The following AP4S1 variants were observed in gnomAD, a reference collection of about 807,000 sequenced individuals.
AP4S1 encodes adaptor related protein complex 4 subunit sigma 1, also known as AP-4 complex subunit sigma-1.
A neutral mutation model predicts 19.8 loss-of-function variants in AP4S1; 23 were observed. The observed-to-expected ratio is 1.16, with a 90% CI of 0.84 to 1.65. The LOEUF (loss-of-function observed/expected upper bound fraction) is 1.65. Ranked by LOEUF, AP4S1 falls within the 40% of genes most tolerant of loss-of-function variation. The pLI is 0.00. For synonymous variants in AP4S1, 46 were observed against 54.1 expected, an observed-to-expected ratio of 0.85 and a Z score of 0.66; for missense variants, 166 against 172.8, an observed-to-expected ratio of 0.96 and a Z score of 0.22.
At chr14:31,086,868 A>AT (rs928154149) in intron 5 of AP4S1, among the ~76,000 whole-genome samples, 10 of 151,590 alleles carry the variant, frequency 6.6e-5, no homozygotes, top group Non-Finnish European at 1.0e-4. Flanking sequence ...ATGTAAAAAA[A>AT]TTTTTTTACA....
intron 1 of AP4S1, among the ~76,000 whole-genome samples, chr14:31,051,564 T>C (rs2139500183): frequency 6.6e-6 from 1 of 152,362 alleles, no homozygotes; most frequent in South Asian, 2.1e-4. Flanking sequence ...CTTTGCATAG[T>C]TGTAATCCAT....
chr14:31,090,385 G>A (rs917831934), intron 5 of AP4S1, among the ~76,000 whole-genome samples: 1 of 152,198 alleles, frequency 6.6e-6, no homozygotes, highest in Non-Finnish European at 1.5e-5. Context: ...TGAAAATTCA[G>A]AAAGGCTCTT....
chr14:31,049,428 A>AAAAAATATATATAT (rs1384450221), intron 1 of AP4S1, among the ~76,000 whole-genome samples: 2 of 57,766 alleles, frequency 3.5e-5, no homozygotes, highest in Non-Finnish European at 5.8e-5. Context: ...AAAAAAAAAA[A>AAAAAATATATATAT]ATATATATAT....
chr14:31,046,516 T>C (rs1885412800), intron 1 of AP4S1, among the ~76,000 whole-genome samples: 1 of 152,194 alleles, frequency 6.6e-6, no homozygotes, highest in Admixed American at 6.6e-5. Flanking sequence ...CATTAGCTGA[T>C]AGAAATGTTT....
At chr14:31,039,700 C>G (rs1270097052) in intron 1 of AP4S1, among the ~76,000 whole-genome samples, 1 of 151,686 alleles carries the variant, frequency 6.6e-6, no homozygotes, top group Non-Finnish European at 1.5e-5. Context: ...ACGCCATTCT[C>G]CTGCCTCAGC....
At chr14:31,079,640 C>T (rs1566543077) in intron 4 of AP4S1, among the ~76,000 whole-genome samples, 1 of 152,040 alleles carries the variant, frequency 6.6e-6, no homozygotes, top group African/African-American at 2.4e-5. Flanking sequence ...GTCTGGGCAA[C>T]ATGGCAAAAC....
chr14:31,041,412 G>A (rs1029761568), intron 1 of AP4S1, among the ~76,000 whole-genome samples: 1 of 152,152 alleles, frequency 6.6e-6, no homozygotes, highest in Non-Finnish European at 1.5e-5. Flanking sequence ...GCCTCCCAAA[G>A]TGCTGGGATT....
chr14:31,072,939 T>G lies in AP4S1; in HGVS notation c.260T>G (p.Phe87Cys), dbSNP rs1180692709. 6.2e-7 allele frequency: 1 copy of G among 1,614,024 alleles called. No homozygotes were observed. The highest frequency in any genetic ancestry group is 1.1e-5 in the South Asian group (1 of 91,078). Residue 87 changes from phenylalanine (F) to cysteine (C), a missense_variant, in exon 4 of 6, where the codon TTT (phenylalanine) becomes TGT (cysteine). Transcript: ENST00000542754. ...GCTATTTATGAATTCATTCATAACTTTGTGGAAGTTTTAGATGAGTATTTC... is the reference window on the plus strand; with the variant it reads ...GCTATTTATGAATTCATTCATAACTGTGTGGAAGTTTTAGATGAGTATTTC... ...EMAIYEFIHN[F>C]VEVLDEYFSR...
rs757085151 is a variant in AP4S1, at chr14:31,066,222, A to G, written c.26A>G (p.Asn9Ser). Residue 9 changes from asparagine to serine, a missense_variant, in exon 2 of 6, where the codon AAT becomes AGT. Transcript: ENST00000542754. The part of the protein sequence containing the change: MIKFFLMV[N>S]KQGQTRLSKY... Reference sequence around the variant, plus strand: ...ATGATAAAATTTTTCCTCATGGTGAATAAACAAGGGCAGACTCGACTTTCT... The same window carrying G: ...ATGATAAAATTTTTCCTCATGGTGAGTAAACAAGGGCAGACTCGACTTTCT... 6.2e-6 allele frequency: 10 copies of G among 1,613,954 alleles called. No individual in the cohort carries two copies. The highest frequency in any genetic ancestry group is 7.6e-6 in the Non-Finnish European group (9 of 1,179,984).
chr14:31,045,768 G>A (rs1320609408), intron 1 of AP4S1, among the ~76,000 whole-genome samples: 1 of 152,034 alleles, frequency 6.6e-6, no homozygotes, highest in Non-Finnish European at 1.5e-5. Flanking sequence ...TTCCTAAGTA[G>A]TAGGTGTGTC....
At chr14:31,068,486 GCA>G (rs1349142845) in intron 2 of AP4S1, among the ~76,000 whole-genome samples, 1 of 152,166 alleles carries the variant, frequency 6.6e-6, no homozygotes, top group Non-Finnish European at 1.5e-5. Flanking sequence ...GCCTGCCATG[GCA>G]CACACTGTTT....
At chr14:31,084,904 T>A in intron 5 of AP4S1, 2 of 1,614,094 alleles carry the variant, frequency 1.2e-6, no homozygotes, top group Non-Finnish European at 1.7e-6. Context: ...AGGGCACCAA[T>A]GAACAGCACA....
intron 1 of AP4S1, among the ~76,000 whole-genome samples, chr14:31,037,097 C>T (rs1263474094): frequency 1.3e-5 from 2 of 152,074 alleles, no homozygotes; most frequent in Admixed American, 1.3e-4. Context: ...CAGGTGTCAG[C>T]CACCACGCCC....
intron 1 of AP4S1, among the ~76,000 whole-genome samples, chr14:31,058,517 CTGTGTGTGTATGTGTGTG>C (rs1323152197): frequency 0.036 from 5,032 of 139,434 alleles, 248 homozygotes; most frequent in African/African-American, 0.11. Context: ...TTCCCCATCT[CTGTGTGTGTATGTGTGTG>C]TGTGTGTGTG....
intron 1 of AP4S1, among the ~76,000 whole-genome samples, chr14:31,062,763 C>G (rs1438073606): frequency 7.3e-5 from 11 of 150,746 alleles, no homozygotes; most frequent in African/African-American, 2.7e-4. Context: ...GTCAGGAGAT[C>G]AAGACCATCC....
In AP4S1 at chr14:31,064,743, G is replaced by A. The variant is rs565091806; in HGVS notation, c.-71-1383G>A. Among the ~76,000 whole-genome samples, 6 of 152,298 alleles carry A rather than the reference G, an allele frequency of 3.9e-5. No homozygotes were observed. In the South Asian group the frequency reaches 1.2e-3, roughly 32 times the overall value. The stretch of plus-strand genomic sequence containing the variant: ...AGGCCAAAGCAGGAGGATCACTTGA[G>A]CCTAAGTGTTCAAGAACGGCTGGCA... On this transcript the variant is annotated intron_variant, in intron 1 of 5. Transcript: ENST00000542754.
chr14:31,035,996 C>T (rs1209250934), intron 1 of AP4S1, among the ~76,000 whole-genome samples: 3 of 152,128 alleles, frequency 2.0e-5, no homozygotes, highest in South Asian at 4.1e-4. Flanking sequence ...TCCCAAAGTG[C>T]TGGGATTACA....
intron 5 of AP4S1, chr14:31,085,053 G>A: frequency 6.9e-7 from 1 of 1,444,124 alleles, no homozygotes; most frequent in Non-Finnish European, 9.1e-7. Flanking sequence ...GGCTAGACTG[G>A]AATGCAGCAG....
chr14:31,082,862 C>CCGCAG (rs1887719693), intron 5 of AP4S1, among the ~76,000 whole-genome samples: 5 of 151,330 alleles, frequency 3.3e-5, no homozygotes, highest in East Asian at 1.9e-4. Flanking sequence ...CGCCACTGCA[C>CCGCAG]TCCAGCCTGG....
Sources: gnomAD v4.1 joint callset for allele counts (sites outside exome capture counted in the v4.1 genomes callset) on GRCh38, gnomAD v4.1.1 for gene constraint, MANE v1.5 for transcripts, NCBI Gene and HGNC (gene_info 2026-07-23, HGNC 2026-07-21) for gene names.